Variants in COL20A1 observed in about 807,000 individuals in gnomAD.
COL20A1 encodes collagen alpha-1(XX) chain.
A neutral mutation model predicts 152.9 loss-of-function variants in COL20A1; 164 were observed. The ratio of observed to expected loss-of-function variants is 1.07; its 90% CI spans 0.94 to 1.22. The LOEUF is 1.22. Among genes scored for constraint, COL20A1 ranks in the 50% most tolerant of loss-of-function variants. The probability of loss-of-function intolerance (pLI) is 0.00; values close to 1 mark genes in which losing one functional copy is unlikely to be tolerated. For synonymous variants in COL20A1, 864 were observed against 756.0 expected (o/e 1.14, Z -2.34); for missense variants, 1,873 against 1,744.8 (o/e 1.07, Z -1.31).
At chr20:63,308,826 GGA>G (rs2067965493) in intron 8 of COL20A1, 120 bp downstream of exon 8, 7 of 929,918 alleles carry the variant, frequency 7.5e-6, no homozygotes, top group Middle Eastern at 3.0e-4. Flanking sequence ...TCTGCGGCAC[GGA>G]GCTGCACGCA....
At position 63,312,870 on chromosome 20, in the gene COL20A1, C is replaced by T; in HGVS notation, c.2012C>T (p.Ala671Val). Residue 671 changes from alanine (A) to valine (V), a missense_variant, in exon 16 of 36, where the codon GCC becomes GTC. Ala to Val is a moderately conservative substitution (Grantham distance 64). Coordinates refer to ENST00000358894, the MANE Select transcript of COL20A1 (RefSeq NM_020882.4). The stretch of plus-strand genomic sequence containing the variant: ...GTCCAGCTGGCGTGGGTGGCCGCAG[C>T]CCCGTCTGGCGTGCTTGTCTACCAG... ...DAVQLAWVAA[A>V]PSGVLVYQIT... is the part of the protein sequence containing the mutation. The T allele has an allele frequency of 1.3e-6, 2 of 1,556,808 alleles. No individual in the cohort carries two copies. Among genetic ancestry groups the T allele is most frequent in the Non-Finnish European group, 1.7e-6 (2 of 1,150,558 alleles).
Position 63,321,094 on chromosome 20 carries a change from C to T in COL20A1, c.3235C>T (p.Pro1079Ser), listed in dbSNP as rs775020426. Residue 1079 changes from proline (P) to serine (S), a missense_variant, in exon 26 of 36, where the codon CCC becomes TCC. Pro to Ser is a moderately conservative substitution (Grantham distance 74). Transcript: ENST00000358894. ...CCCTGGGCCCCCAGGACCTCAAGGA[C>T]CCCCAGTGAGTCCAGTGGCGTCTCC... is the stretch of plus-strand genomic sequence containing the variant. Reference protein sequence around the residue: ...ETPGPPGPQGPPGLPGRNGTP... With the variant: ...ETPGPPGPQGSPGLPGRNGTP... 1.9e-6 allele frequency: 3 copies of T among 1,593,162 alleles called. No homozygotes were observed. Among genetic ancestry groups the T allele is most frequent in the Middle Eastern group, 1.6e-4 (1 of 6,064 alleles).
chr20:63,299,113 G>GT (rs1393658904), intron 3 of COL20A1, among the ~76,000 whole-genome samples: 1 of 152,206 alleles, frequency 6.6e-6, no homozygotes, highest in Non-Finnish European at 1.5e-5. Context: ...TTTCTTTGCT[G>GT]TATAGTATTC....
intron 3 of COL20A1, among the ~76,000 whole-genome samples, chr20:63,302,478 G>A (rs552404859): frequency 2.4e-3 from 370 of 152,206 alleles, no homozygotes; most frequent in African/African-American, 8.6e-3. Flanking sequence ...GTGCCACCAC[G>A]CCCAGCTAAT....
chr20:63,320,825 G>C (rs1014462996), intron 25 of COL20A1, among the ~76,000 whole-genome samples, 188 bp from the exon 26 acceptor site: 2 of 152,230 alleles, frequency 1.3e-5, no homozygotes, highest in South Asian at 2.1e-4. Flanking sequence ...TGGACACACA[G>C]GGGCTCAGTG....
rs2068342598 is a variant in COL20A1, at chr20:63,332,282, C to G, written c.*1566C>G. The G allele has an allele frequency of 6.6e-6, 1 of 152,328 alleles. No homozygotes were observed. Among genetic ancestry groups the G allele is most frequent in the African/African-American group, 2.4e-5 (1 of 41,452 alleles). The allele number at this position is 152,328 out of a possible 1,614,324, so 9.4% of individuals were successfully genotyped here. A position where few individuals can be genotyped will look rare whatever the true frequency, so the allele number is the denominator to read the frequency against. On this transcript the variant is annotated 3_prime_UTR_variant, in exon 36 of 36. Coordinates refer to ENST00000358894, the MANE Select transcript of COL20A1 (RefSeq NM_020882.4). ...GACACAGTTGTTGAGAGCAGCAGCCCAAGCCAGCCCCTCCGTCCTGCAGGG... is the reference window on the plus strand; with the variant it reads ...GACACAGTTGTTGAGAGCAGCAGCCGAAGCCAGCCCCTCCGTCCTGCAGGG...
rs2068027816 is a variant in COL20A1, at chr20:63,312,775, G to A, written c.1934-17G>A. 7 of 1,534,592 alleles carry A rather than the reference G, an allele frequency of 4.6e-6. No homozygotes were observed. The East Asian group carries it at 9.7e-5, about 21-fold the overall frequency. ...CTCAGGGGCTACACCCCCAGCCTGT[G>A]TCTCCACTTCCTTCAGAGAAAGCTC... On this transcript the variant is annotated splice_polypyrimidine_tract_variant and intron_variant, in intron 15 of 35. Coordinates refer to ENST00000358894, the MANE Select transcript of COL20A1 (RefSeq NM_020882.4).
rs780233735 is a variant in COL20A1 at position 63,315,418 on chromosome 20, C to T, written c.2503C>T (p.Arg835Cys). 3.2e-5 allele frequency: 50 copies of T among 1,578,606 alleles called. No homozygotes were observed. The highest frequency in any genetic ancestry group is 3.8e-5 in the Non-Finnish European group (44 of 1,167,082). Reference sequence around the variant, plus strand: ...CCTCTCAGCAGCCTGCCCAGCCCTCCGCCCTGACGGCTCCCTCCCAGGTGG... The same window carrying T: ...CCTCTCAGCAGCCTGCCCAGCCCTCTGCCCTGACGGCTCCCTCCCAGGTGG... ...ATGQTACPAL[R>C]PDGSLPGFDL... The change falls in exon 20 of 36, where the codon CGC (arginine) becomes TGC (cysteine). Residue 835 changes from arginine to cysteine, a missense_variant. Coordinates refer to ENST00000358894, the MANE Select transcript of COL20A1 (RefSeq NM_020882.4).
chr20:63,302,838 T>A (rs1417224611), intron 3 of COL20A1, among the ~76,000 whole-genome samples: 1 of 152,236 alleles, frequency 6.6e-6, no homozygotes, highest in Non-Finnish European at 1.5e-5. Context: ...GCCGTTTAGC[T>A]CGCTCCTTCG....
Position 63,320,898 on chromosome 20 carries a change from G to T in COL20A1, c.3154-115G>T, listed in dbSNP as rs943861765. ...CCTGACCTTCGCCCCTGCCTCCCAGGTGCGGGTCTGGAAGTCTCCCTGGAG... is the reference window on the plus strand; with the variant it reads ...CCTGACCTTCGCCCCTGCCTCCCAGTTGCGGGTCTGGAAGTCTCCCTGGAG... On this transcript the variant is annotated intron_variant, in intron 25 of 35. Transcript: ENST00000358894. 30 of 762,500 alleles carry T rather than the reference G, an allele frequency of 3.9e-5. 1 individual carries two copies. The South Asian group carries it at 4.1e-4, about 10-fold the overall frequency. 47.2% of individuals were successfully genotyped at this position (762,500 alleles called of 1,614,324 possible).
chr20:63,301,457 T>C (rs973749691), intron 3 of COL20A1, among the ~76,000 whole-genome samples: 1 of 152,244 alleles, frequency 6.6e-6, no homozygotes, highest in Non-Finnish European at 1.5e-5. Flanking sequence ...ATTTTTCAGA[T>C]TTTTTATATA....
At chr20:63,314,383 GC>G (rs2068057506) in intron 19 of COL20A1, among the ~76,000 whole-genome samples, 182 bp downstream of exon 19, 1 of 152,186 alleles carries the variant, frequency 6.6e-6, no homozygotes, top group Non-Finnish European at 1.5e-5. Context: ...TTCCAGGCTG[GC>G]CCCACCTGGA....
chr20:63,322,786 G>A lies in COL20A1; in HGVS notation c.3294+675G>A, dbSNP rs191232654. Among the ~76,000 whole-genome samples the A allele has an allele frequency of 2.6e-5, 4 of 152,330 alleles. No individual in the cohort carries two copies. The East Asian group carries it at 5.8e-4, about 22-fold the overall frequency. On this transcript the variant is annotated intron_variant, in intron 27 of 35. Coordinates refer to ENST00000358894, the MANE Select transcript of COL20A1 (RefSeq NM_020882.4). ...GCAAGGCCGCCCTCCTCCCGACCCC[G>A]ACACCCACCTCTCCCCCGGCAGCCT...
rs1344926789 is a variant in COL20A1, at chr20:63,320,328, C to T, written c.3113C>T (p.Thr1038Ile). 1.9e-6 allele frequency: 3 copies of T among 1,611,250 alleles called. No individual in the cohort carries two copies. The highest frequency in any genetic ancestry group is 2.2e-5 in the South Asian group (2 of 91,064). Residue 1038 changes from threonine to isoleucine, a missense_variant, in exon 25 of 36, where the codon ACC becomes ATC. By Grantham distance (89) the Thr-to-Ile change is moderately conservative. Transcript: ENST00000358894. ...LQMLQIVCSD[T>I]WADEDRCCEL... ...ATGCTGCAGATCGTGTGCAGTGACA[C>T]CTGGGCCGATGAGGACCGGTGCTGT... is the stretch of plus-strand genomic sequence containing the variant.
intron 31 of COL20A1, 64 bp downstream of exon 31, chr20:63,326,887 C>A: frequency 8.5e-7 from 1 of 1,178,900 alleles, no homozygotes; most frequent in Non-Finnish European, 1.2e-6. Flanking sequence ...GCAAGCCCCA[C>A]ATGCAACCAC....
intron 5 of COL20A1, among the ~76,000 whole-genome samples, chr20:63,307,033 G>A (rs2067934565): frequency 6.6e-6 from 1 of 152,216 alleles, no homozygotes; most frequent in Non-Finnish European, 1.5e-5. Context: ...CTCCCCGGGG[G>A]TCTGGCCCTG....
In COL20A1 at chr20:63,331,924, C is replaced by T. The variant is rs568092043; in HGVS notation, c.*1208C>T. 1 of 152,252 alleles carries T rather than the reference C, an allele frequency of 6.6e-6. No individual in the cohort carries two copies. The highest frequency in any genetic ancestry group is 1.5e-5 in the Non-Finnish European group (1 of 68,092). The allele number at this position is 152,252 out of a possible 1,614,324, so 9.4% of individuals were successfully genotyped here. A position where few individuals can be genotyped will look rare whatever the true frequency, so the allele number is the denominator to read the frequency against. On this transcript the variant is annotated 3_prime_UTR_variant, in exon 36 of 36. Coordinates refer to ENST00000358894, the MANE Select transcript of COL20A1 (RefSeq NM_020882.4). ...AACAGCTTCAGGGCAAACACTTCAT[C>T]TATGATTCAACTGTTCCAGGAACTG... is the stretch of plus-strand genomic sequence containing the variant.
Position 63,320,318 on chromosome 20 carries a change from T to C in COL20A1, c.3103T>C (p.Cys1035Arg). ...TCAGCTCCAGATGCTGCAGATCGTG[T>C]GCAGTGACACCTGGGCCGATGAGGA... ...AFQLQMLQIVCSDTWADEDRC... is the reference protein window; with the variant it reads ...AFQLQMLQIVRSDTWADEDRC... The change falls in exon 25 of 36, where the codon TGC (cysteine) becomes CGC (arginine). Residue 1035 changes from cysteine to arginine, a missense_variant. Transcript: ENST00000358894. 6.2e-7 allele frequency: 1 copy of C among 1,611,038 alleles called. No individual in the cohort carries two copies. The highest frequency in any genetic ancestry group is 1.3e-5 in the African/African-American group (1 of 75,056).
intron 30 of COL20A1, among the ~76,000 whole-genome samples, chr20:63,326,399 T>C (rs974059117): frequency 6.6e-6 from 1 of 151,884 alleles, no homozygotes; most frequent in South Asian, 2.1e-4. Context: ...TGGAGGGGGG[T>C]CTCCTGGCAT....
Sources: gnomAD v4.1 joint callset for allele counts (sites outside exome capture counted in the v4.1 genomes callset) on GRCh38, gnomAD v4.1.1 for gene constraint, MANE v1.5 for transcripts, NCBI Gene and HGNC (gene_info 2026-07-23, HGNC 2026-07-21) for gene names.